Variants in PRKCE observed in about 807,000 individuals in gnomAD.
PRKCE encodes the protein protein kinase C epsilon.
PRKCE carries 16 observed loss-of-function variants against 85.4 expected under a neutral mutation model. That is an observed-to-expected ratio of 0.19 (90% CI 0.13 to 0.28). PRKCE has a LOEUF of 0.28. Ranked by LOEUF, PRKCE falls within the 10% of genes least tolerant of loss-of-function variation. The pLI, the probability that PRKCE is intolerant of heterozygous loss-of-function variation, is 1.00. For missense variants in PRKCE, 573 were observed against 975.2 expected (o/e 0.59, Z 5.49); for synonymous variants, 388 against 371.5 (o/e 1.04, Z -0.51).
At chr2:45,908,863 C>T (rs969207191) in intron 2 of PRKCE, among the ~76,000 whole-genome samples, 2 of 152,248 alleles carry the variant, frequency 1.3e-5, no homozygotes, top group South Asian at 4.2e-4. Context: ...ACAGGCTGTA[C>T]AGTGGGCAGA....
chr2:45,896,910 C>A (rs756119273), intron 2 of PRKCE, among the ~76,000 whole-genome samples: 3 of 151,980 alleles, frequency 2.0e-5, no homozygotes, highest in Admixed American at 6.6e-5. Context: ...ATAGCGAGAC[C>A]CCATCTCAAT....
At chr2:46,028,398 A>G (rs1332120311) in intron 10 of PRKCE, among the ~76,000 whole-genome samples, 2 of 152,200 alleles carry the variant, frequency 1.3e-5, no homozygotes, top group Admixed American at 6.5e-5. Flanking sequence ...CAAACATTTC[A>G]TTTGGCAGTT....
chr2:45,681,689 A>G (rs113762442), intron 1 of PRKCE, among the ~76,000 whole-genome samples: 532 of 152,282 alleles, frequency 3.5e-3, no homozygotes, highest in African/African-American at 0.012. Flanking sequence ...AGCTGGGGCT[A>G]TTTCTTGGTA....
At chr2:45,733,947 C>T (rs1245282334) in intron 1 of PRKCE, among the ~76,000 whole-genome samples, 2 of 152,200 alleles carry the variant, frequency 1.3e-5, no homozygotes, top group Middle Eastern at 3.2e-3. Context: ...GTGGTCTTAG[C>T]TTCAAGGAAA....
intron 2 of PRKCE, among the ~76,000 whole-genome samples, chr2:45,964,444 C>T (rs1341085885): frequency 1.3e-5 from 2 of 152,216 alleles, no homozygotes; most frequent in African/African-American, 4.8e-5. Flanking sequence ...GCTGGTGCCC[C>T]ACTTGGCAGA....
chr2:45,663,303 GC>G (rs1675760852), intron 1 of PRKCE, among the ~76,000 whole-genome samples: 1 of 152,178 alleles, frequency 6.6e-6, no homozygotes, highest in Non-Finnish European at 1.5e-5. Flanking sequence ...TCTCAAGTGG[GC>G]CATTCGGAAA....
At chr2:46,105,522 A>T (rs1671636140) in intron 11 of PRKCE, among the ~76,000 whole-genome samples, 2 of 151,254 alleles carry the variant, frequency 1.3e-5, no homozygotes, top group Non-Finnish European at 2.9e-5. Context: ...CCACAGATGC[A>T]TACCTCAATC....
intron 10 of PRKCE, among the ~76,000 whole-genome samples, chr2:46,049,614 C>T (rs1708734578): frequency 6.6e-6 from 1 of 152,130 alleles, no homozygotes; most frequent in Admixed American, 6.5e-5. Flanking sequence ...GCAGGAAATA[C>T]CTTCTAGTAT....
intron 2 of PRKCE, among the ~76,000 whole-genome samples, chr2:45,922,243 A>G (rs1698300953): frequency 6.6e-6 from 1 of 152,174 alleles, no homozygotes; most frequent in African/African-American, 2.4e-5. Context: ...GAGCTTTGTA[A>G]AATTCCATTA....
chr2:45,746,212 G>T (rs948059524), intron 1 of PRKCE, among the ~76,000 whole-genome samples: 2 of 152,008 alleles, frequency 1.3e-5, no homozygotes, highest in Non-Finnish European at 2.9e-5. Flanking sequence ...ACCTTTAAAT[G>T]ATTCCTATAT....
chr2:45,662,772 T>C (rs1675732803), intron 1 of PRKCE, among the ~76,000 whole-genome samples: 1 of 152,032 alleles, frequency 6.6e-6, no homozygotes, highest in Non-Finnish European at 1.5e-5. Flanking sequence ...CTTCTTTACC[T>C]ACCTTTGTTC....
chr2:45,841,751 T>C (rs1227987955), intron 1 of PRKCE, among the ~76,000 whole-genome samples: 1 of 152,266 alleles, frequency 6.6e-6, no homozygotes, highest in Non-Finnish European at 1.5e-5. Flanking sequence ...GATGAGGGGC[T>C]AATTAATTCT....
At chr2:45,754,756 T>C (rs898534437) in intron 1 of PRKCE, among the ~76,000 whole-genome samples, 2 of 152,206 alleles carry the variant, frequency 1.3e-5, no homozygotes, top group African/African-American at 4.8e-5. Flanking sequence ...TGCCATGGTG[T>C]ACCCGTGACT....
intron 1 of PRKCE, among the ~76,000 whole-genome samples, chr2:45,695,504 C>T (rs1572968319): frequency 6.6e-6 from 1 of 152,154 alleles, no homozygotes; most frequent in African/African-American, 2.4e-5. Context: ...TGGGCATGGT[C>T]GCTCATGCCT....
At chr2:45,801,506 A>G (rs1687865142) in intron 1 of PRKCE, among the ~76,000 whole-genome samples, 1 of 30,094 alleles carries the variant, frequency 3.3e-5, no homozygotes, top group South Asian at 1.9e-3. Context: ...GTGAGTGCTG[A>G]GGGTGAGGGT....
intron 2 of PRKCE, among the ~76,000 whole-genome samples, chr2:45,920,461 C>T (rs960995886): frequency 6.6e-6 from 1 of 152,196 alleles, no homozygotes; most frequent in Admixed American, 6.5e-5. Context: ...CATGCATATT[C>T]ATAGCAGTGT....
chr2:46,038,165 G>A (rs1463292388), intron 10 of PRKCE, among the ~76,000 whole-genome samples: 1 of 152,064 alleles, frequency 6.6e-6, no homozygotes, highest in South Asian at 2.1e-4. Context: ...GCCATTTATA[G>A]TCTTGGTATA....
intron 12 of PRKCE, among the ~76,000 whole-genome samples, chr2:46,150,372 C>T (rs951929208): frequency 9.2e-5 from 14 of 152,104 alleles, no homozygotes; most frequent in African/African-American, 1.7e-4. Context: ...AGGGGGCCTA[C>T]GGTTTTGTAG....
intron 11 of PRKCE, among the ~76,000 whole-genome samples, chr2:46,144,333 G>A (rs1395272955): frequency 6.6e-6 from 1 of 152,182 alleles, no homozygotes; most frequent in Non-Finnish European, 1.5e-5. Flanking sequence ...TGCTCATGCA[G>A]GCAGGATGCT....
Sources: allele counts gnomAD v4.1 joint callset (sites outside exome capture counted in the v4.1 genomes callset), GRCh38; gene constraint gnomAD v4.1.1; transcripts MANE v1.5; gene names NCBI Gene and HGNC (gene_info 2026-07-23, HGNC 2026-07-21).